SH3RF3: variants seen among roughly 807,000 people sequenced by gnomAD.
The protein encoded by SH3RF3 is E3 ubiquitin-protein ligase SH3RF3.
In SH3RF3, 29 loss-of-function variants were observed where a neutral mutation model predicts 66.3. The ratio of observed to expected loss-of-function variants is 0.44; its 90% CI spans 0.33 to 0.60. The LOEUF is 0.60. SH3RF3 is among the 20% of genes least tolerant of loss of function. The pLI, the probability that SH3RF3 is intolerant of heterozygous loss-of-function variation, is 0.04. For synonymous variants in SH3RF3, 583 were observed against 532.0 expected (o/e 1.10, Z -1.32); for missense variants, 1,194 against 1,190.9 (o/e 1.00, Z -0.04).
intron 1 of SH3RF3, among the ~76,000 whole-genome samples, chr2:109,225,061 C>CT (rs1373122395): frequency 6.6e-6 from 1 of 152,096 alleles, no homozygotes; most frequent in East Asian, 1.9e-4. Context: ...TTTTTGACAC[C>CT]TGGCCTGGAG....
At chr2:109,305,736 C>T (rs1361929000) in intron 1 of SH3RF3, among the ~76,000 whole-genome samples, 1 of 152,254 alleles carries the variant, frequency 6.6e-6, no homozygotes, top group East Asian at 1.9e-4. Context: ...GGAGGACGCA[C>T]ATTCCAGGCA....
At position 109,171,783 on chromosome 2, in the gene SH3RF3, C is replaced by A. The variant is rs75962149; in HGVS notation, c.573+41670C>A. 9.3e-3 allele frequency among the ~76,000 whole-genome samples: 1,422 copies of A among 152,374 alleles called. 32 individuals carry two copies. The highest frequency in any genetic ancestry group is 0.032 in the African/African-American group (1,329 of 41,590). On this transcript the variant is annotated intron_variant, in intron 1 of 9. Transcript: ENST00000309415. ...CTGGCTCCCTGCCGTGCATCCCGGC[C>A]ACGCTCACTTGCAGCGGGGAGTGGC...
chr2:109,364,849 G>A (rs1433053516), intron 2 of SH3RF3, among the ~76,000 whole-genome samples: 3 of 152,118 alleles, frequency 2.0e-5, no homozygotes, highest in African/African-American at 7.2e-5. Flanking sequence ...TCAGCACTTT[G>A]GGAGGCCAGT....
intron 3 of SH3RF3, among the ~76,000 whole-genome samples, chr2:109,390,244 A>T (rs1389181698): frequency 1.2e-4 from 19 of 152,106 alleles, no homozygotes; most frequent in Admixed American, 1.0e-3. Flanking sequence ...TTGCCCATAA[A>T]CTACCAGTTT....
chr2:109,298,929 G>A (rs1370695514), intron 1 of SH3RF3, among the ~76,000 whole-genome samples: 1 of 152,188 alleles, frequency 6.6e-6, no homozygotes, highest in African/African-American at 2.4e-5. Context: ...ATTCCCCAGT[G>A]CCTCCCATCA....
At chr2:109,138,952 A>G (rs956328595) in intron 1 of SH3RF3, among the ~76,000 whole-genome samples, 28 of 152,378 alleles carry the variant, frequency 1.8e-4, no homozygotes, top group African/African-American at 6.7e-4. Flanking sequence ...CAAATAGCCA[A>G]TAGGTATCTC....
chr2:109,223,401 C>T (rs539534928), intron 1 of SH3RF3, among the ~76,000 whole-genome samples: 1 of 152,158 alleles, frequency 6.6e-6, no homozygotes, highest in Non-Finnish European at 1.5e-5. Context: ...GCCGTGTGCT[C>T]GCTGTGATGG....
chr2:109,144,781 C>A (rs1232015732), intron 1 of SH3RF3, among the ~76,000 whole-genome samples: 1 of 152,230 alleles, frequency 6.6e-6, no homozygotes. Context: ...AGTCAGGCAC[C>A]AGGCTGGAGC....
intron 1 of SH3RF3, among the ~76,000 whole-genome samples, chr2:109,324,549 G>A (rs1682103780): frequency 6.6e-6 from 1 of 152,186 alleles, no homozygotes; most frequent in Non-Finnish European, 1.5e-5. Context: ...AGTTACAACT[G>A]TCATCTTAAT....
intron 5 of SH3RF3, among the ~76,000 whole-genome samples, chr2:109,428,972 G>C (rs903177963): frequency 2.0e-5 from 3 of 152,300 alleles, no homozygotes; most frequent in African/African-American, 7.2e-5. Flanking sequence ...GAGTGCAGGG[G>C]ACGCCATCCA....
intron 8 of SH3RF3, among the ~76,000 whole-genome samples, chr2:109,488,300 C>T (rs563886661): frequency 6.6e-6 from 1 of 152,196 alleles, no homozygotes; most frequent in Non-Finnish European, 1.5e-5. Context: ...CAGATGCCAG[C>T]AGCACCCCTG....
intron 8 of SH3RF3, among the ~76,000 whole-genome samples, chr2:109,471,058 A>G (rs1644330088): frequency 6.6e-6 from 1 of 152,088 alleles, no homozygotes; most frequent in African/African-American, 2.4e-5. Context: ...CATCTCCACT[A>G]AAAACACAAA....
chr2:109,214,003 AGG>A (rs1282944337), intron 1 of SH3RF3, among the ~76,000 whole-genome samples: 1 of 152,134 alleles, frequency 6.6e-6, no homozygotes, highest in Non-Finnish European at 1.5e-5. Context: ...CGTGGCGGGC[AGG>A]GGAGGGAGGA....
At chr2:109,139,640 GT>G (rs1257479979) in intron 1 of SH3RF3, among the ~76,000 whole-genome samples, 2 of 152,194 alleles carry the variant, frequency 1.3e-5, no homozygotes, top group Non-Finnish European at 1.5e-5. Context: ...TTTGACTTGT[GT>G]ACAGTAACAA....
chr2:109,468,377 C>T (rs978185448), intron 8 of SH3RF3, among the ~76,000 whole-genome samples: 9 of 152,192 alleles, frequency 5.9e-5, no homozygotes, highest in Non-Finnish European at 1.2e-4. Context: ...CATCAGTAGG[C>T]AACATGAATT....
At chr2:109,434,686 A>G (rs1288857753) in intron 6 of SH3RF3, among the ~76,000 whole-genome samples, 1 of 152,188 alleles carries the variant, frequency 6.6e-6, no homozygotes, top group African/African-American at 2.4e-5. Context: ...GTCGGGATGG[A>G]CAGCTCTGCC....
At chr2:109,477,168 C>T (rs1193392554) in intron 8 of SH3RF3, among the ~76,000 whole-genome samples, 4 of 152,162 alleles carry the variant, frequency 2.6e-5, no homozygotes, top group Non-Finnish European at 5.9e-5. Flanking sequence ...CCTGAATGAC[C>T]GTTGGCCTAG....
intron 1 of SH3RF3, among the ~76,000 whole-genome samples, chr2:109,153,269 A>G (rs1677264185): frequency 6.6e-6 from 1 of 152,190 alleles, no homozygotes; most frequent in Admixed American, 6.5e-5. Context: ...CTTGAAGGGA[A>G]TGTAGGTGTT....
chr2:109,235,700 A>T (rs992555513), intron 1 of SH3RF3, among the ~76,000 whole-genome samples: 6 of 152,234 alleles, frequency 3.9e-5, no homozygotes, highest in Non-Finnish European at 8.8e-5. Flanking sequence ...TAAAGATTGA[A>T]GGTGTGCAGT....
Sources: gnomAD v4.1 joint callset for allele counts (sites outside exome capture counted in the v4.1 genomes callset) on GRCh38, gnomAD v4.1.1 for gene constraint, MANE v1.5 for transcripts, NCBI Gene and HGNC (gene_info 2026-07-23, HGNC 2026-07-21) for gene names.